Variants in RIOX1 observed in about 807,000 individuals in gnomAD.
RIOX1 encodes the protein 60S ribosomal protein L8 histidine hydroxylase.
Under a neutral mutation model 44.6 loss-of-function variants are expected in RIOX1, and 33 were observed. The observed-to-expected ratio is 0.74, with a 90% CI of 0.56 to 0.99. RIOX1 has a LOEUF of 0.99. Ranked by LOEUF, RIOX1 falls within the 50% of genes least tolerant of loss-of-function variation. The pLI is 0.00. For missense variants in RIOX1, 821 were observed against 871.7 expected, an observed-to-expected ratio of 0.94 and a Z score of 0.73; for synonymous variants, 387 against 395.8, an observed-to-expected ratio of 0.98 and a Z score of 0.26.
At position 73,491,318 on chromosome 14, in the gene RIOX1, G is replaced by A. The variant is rs1334495734; in HGVS notation, c.301G>A (p.Gly101Arg). The A allele has an allele frequency of 2.6e-5, 40 of 1,510,972 alleles. No homozygotes were observed. Among genetic ancestry groups the A allele is most frequent in the Non-Finnish European group, 3.4e-5 (38 of 1,130,902 alleles). 93.6% of individuals were successfully genotyped at this position (1,510,972 alleles called of 1,614,324 possible). Reference protein sequence around the residue: ...AARREPYGHLGPAELLEASPA... With the variant: ...AARREPYGHLRPAELLEASPA... The stretch of plus-strand genomic sequence containing the variant: ...CCGGCGAGAGCCATACGGCCACCTG[G>A]GGCCCGCAGAGCTGCTGGAGGCCTC... Residue 101 changes from glycine to arginine, a missense_variant, in exon 1 of 1, where the codon GGG becomes AGG. This residue lies in a region of RIOX1 where 554 missense variants were observed against 531.2 expected (regional missense o/e 1.04). Transcript: ENST00000304061.
At position 73,492,819 on chromosome 14, in the gene RIOX1, C is replaced by T; in HGVS notation, c.1802C>T (p.Ser601Phe). 4 of 1,613,918 alleles carry T rather than the reference C, an allele frequency of 2.5e-6. No individual in the cohort carries two copies. The highest frequency in any genetic ancestry group is 3.4e-6 in the Non-Finnish European group (4 of 1,179,880). ...GATGCCATGGAACTGTTGCTTGGTT[C>T]TTATCCAGAGTTTGTGAGAGTGGGG... ...QADAMELLLGSYPEFVRVGDL... is the reference protein window; with the variant it reads ...QADAMELLLGFYPEFVRVGDL... The change falls in exon 1 of 1, where the codon TCT becomes TTT. Residue 601 changes from serine to phenylalanine, a missense_variant. Coordinates refer to ENST00000304061, the MANE Select transcript of RIOX1 (RefSeq NM_024644.5). This position sits in a 1 kb window ranked among gnomAD's most constrained non-coding sequence, Gnocchi z 4.9.
rs1414451317 is a variant in RIOX1, at chr14:73,492,224, T to A, written c.1207T>A (p.Phe403Ile). The A allele has an allele frequency of 6.2e-7, 1 of 1,614,008 alleles. No individual in the cohort carries two copies. The highest frequency in any genetic ancestry group is 8.5e-7 in the Non-Finnish European group (1 of 1,179,888). ...AGATTTGCTGTATTTTCCTCGGGGC[T>A]TCATTCACCAAGCTGAATGCCAGGA... is the stretch of plus-strand genomic sequence containing the variant. Reference protein sequence around the residue: ...PGDLLYFPRGFIHQAECQDGV... With the variant: ...PGDLLYFPRGIIHQAECQDGV... Residue 403 changes from phenylalanine to isoleucine, a missense_variant, in exon 1 of 1, where the codon TTC (phenylalanine) becomes ATC (isoleucine). This residue lies in a region of RIOX1 where 267 missense variants were observed against 340.5 expected (regional missense o/e 0.78). Coordinates refer to ENST00000304061, the MANE Select transcript of RIOX1 (RefSeq NM_024644.5). The surrounding 1 kb of genome is among the most constrained non-coding windows in gnomAD (Gnocchi z 4.9).
chr14:73,492,320 A>G lies in RIOX1; in HGVS notation c.1303A>G (p.Ile435Val). The change falls in exon 1 of 1, where the codon ATA becomes GTA. Residue 435 changes from isoleucine to valine, a missense_variant. By Grantham distance (29) the Ile-to-Val change is conservative. Transcript: ENST00000304061. The surrounding 1 kb of genome is among the most constrained non-coding windows in gnomAD (Gnocchi z 4.9). ...TACCTGGGGTGACTTCTTAGAGGCC[A>G]TACTGCCTCTGGCAGTGCAGGCTGC... ...RNTWGDFLEA[I>V]LPLAVQAAME... 3.7e-6 allele frequency: 6 copies of G among 1,614,046 alleles called. No homozygotes were observed. The highest frequency in any genetic ancestry group is 5.1e-6 in the Non-Finnish European group (6 of 1,179,892).
chr14:73,493,127 A>G lies in RIOX1; in HGVS notation c.*184A>G. ...TCTTCTAGGAAGAACCATCTCATCT[A>G]GGTACAAAAGGAAAAGGAGAAGTTG... On this transcript the variant is annotated 3_prime_UTR_variant, in exon 1 of 1. Transcript: ENST00000304061. The G allele has an allele frequency of 6.2e-7, 1 of 1,611,510 alleles. No homozygotes were observed. The highest frequency in any genetic ancestry group is 1.1e-5 in the South Asian group (1 of 90,876).
chr14:73,491,836 G>A lies in RIOX1; in HGVS notation c.819G>A (p.Glu273=). 1.2e-6 allele frequency: 2 copies of A among 1,608,622 alleles called. No individual in the cohort carries two copies. Among genetic ancestry groups the A allele is most frequent in the Non-Finnish European group, 1.7e-6 (2 of 1,177,958 alleles). The part of the protein sequence containing the change: ...DAARYINGRR[E]TLNPPGRALP... ...CTCGCTACATCAACGGACGACGCGAGACCCTGAACCCACCCGGCCGCGCGC... is the reference window on the plus strand; with the variant it reads ...CTCGCTACATCAACGGACGACGCGAAACCCTGAACCCACCCGGCCGCGCGC... Residue 273 remains glutamate (E), a synonymous_variant, in exon 1 of 1, where the codon GAG becomes GAA. Coordinates refer to ENST00000304061, the MANE Select transcript of RIOX1 (RefSeq NM_024644.5).
Position 73,491,417 on chromosome 14 carries a change from G to A in RIOX1, c.400G>A (p.Glu134Lys). 1.5e-6 allele frequency: 2 copies of A among 1,349,198 alleles called. No individual in the cohort carries two copies. Among genetic ancestry groups the A allele is most frequent in the Non-Finnish European group, 1.9e-6 (2 of 1,059,214 alleles). The allele number at this position is 1,349,198 out of a possible 1,614,324, so 83.6% of individuals were successfully genotyped here. A position where few individuals can be genotyped will look rare whatever the true frequency, so the allele number is the denominator to read the frequency against. ...TTCCGCGCCGCCCGCGCGCCTGGTG[G>A]AGGTGCCCGCCGCGCCGGTCCGGGT... Reference protein sequence around the residue: ...PASAPPARLVEVPAAPVRVVE... With the variant: ...PASAPPARLVKVPAAPVRVVE... The change falls in exon 1 of 1, where the codon GAG (glutamate) becomes AAG (lysine). Residue 134 changes from glutamate (E) to lysine (K), a missense_variant. Physicochemically the swap from Glu to Lys is moderately conservative, Grantham distance 56 (BLOSUM62 1). This residue lies in a region of RIOX1 where 554 missense variants were observed against 531.2 expected (regional missense o/e 1.04). Transcript: ENST00000304061.
At position 73,491,947 on chromosome 14, in the gene RIOX1, G is replaced by A. The variant is rs1250974176; in HGVS notation, c.930G>A (p.Gln310=). ...AGGCTTTCTCTACTACTGTGTGGCA[G>A]TTTTTGGCTGTGCTTCAAGAGCAGT... The part of the protein sequence containing the change: ...CPQAFSTTVW[Q]FLAVLQEQFG... The change falls in exon 1 of 1, where the codon CAG becomes CAA. Residue 310 remains glutamine (Q), a synonymous_variant. Coordinates refer to ENST00000304061, the MANE Select transcript of RIOX1 (RefSeq NM_024644.5). 5 of 1,613,774 alleles carry A rather than the reference G, an allele frequency of 3.1e-6. No individual in the cohort carries two copies. The highest frequency in any genetic ancestry group is 4.2e-6 in the Non-Finnish European group (5 of 1,179,864).
In RIOX1 at chr14:73,493,151, T is replaced by G. The variant is rs1175526598; in HGVS notation, c.*208T>G. 3 of 1,601,806 alleles carry G rather than the reference T, an allele frequency of 1.9e-6. No homozygotes were observed. The highest frequency in any genetic ancestry group is 2.2e-5 in the East Asian group (1 of 44,806). On this transcript the variant is annotated 3_prime_UTR_variant, in exon 1 of 1. Transcript: ENST00000304061. ...TAGGTACAAAAGGAAAAGGAGAAGT[T>G]GGAGGTGGAAAAAAAACCCTTGATC...
In RIOX1 at chr14:73,492,628, C is replaced by CGG; in HGVS notation, c.1612_1613insGG (p.Val538GlyfsTer6). The CGG allele has an allele frequency of 6.2e-7, 1 of 1,613,976 alleles. No homozygotes were observed. Among genetic ancestry groups the CGG allele is most frequent in the East Asian group, 2.2e-5 (1 of 44,888 alleles). ...GCTGGGAGGCTGGAGAACCTGTAAA[C>CGG]GTGGGGGCCCAGTTGACAACAGAAA... is the stretch of plus-strand genomic sequence containing the variant. On this transcript the variant is annotated frameshift_variant, in exon 1 of 1. Transcript: ENST00000304061. LOFTEE classifies it high-confidence loss of function. This position sits in a 1 kb window ranked among gnomAD's most constrained non-coding sequence, Gnocchi z 4.9.
Position 73,491,983 on chromosome 14 carries a change from G to A in RIOX1, c.966G>A (p.Met322Ile), listed in dbSNP as rs1173754561. The change falls in exon 1 of 1, where the codon ATG (methionine) becomes ATA (isoleucine). Residue 322 changes from methionine to isoleucine, a missense_variant. Met to Ile is a conservative substitution (Grantham distance 10). Coordinates refer to ENST00000304061, the MANE Select transcript of RIOX1 (RefSeq NM_024644.5). ...TGCTTCAAGAGCAGTTTGGAAGCAT[G>A]GCAGGCTCCAACGTTTACCTCACGC... The part of the protein sequence containing the change: ...LAVLQEQFGS[M>I]AGSNVYLTPP... 1 of 1,613,964 alleles carries A rather than the reference G, an allele frequency of 6.2e-7. No individual in the cohort carries two copies. Among genetic ancestry groups the A allele is most frequent in the Admixed American group, 1.7e-5 (1 of 60,020 alleles).
rs764013339 is a variant in RIOX1 at position 73,491,851 on chromosome 14, C to T, written c.834C>T (p.Pro278=). The T allele has an allele frequency of 1.1e-5, 17 of 1,609,832 alleles. No individual in the cohort carries two copies. The highest frequency in any genetic ancestry group is 6.7e-5 in the African/African-American group (5 of 74,816). ...GACGACGCGAGACCCTGAACCCACC[C>T]GGCCGCGCGCTGCCCGCCGCCGCGT... ...INGRRETLNP[P]GRALPAAAWS... The change falls in exon 1 of 1, where the codon CCC becomes CCT. Residue 278 remains proline (P), a synonymous_variant. Transcript: ENST00000304061.
chr14:73,492,764 A>C lies in RIOX1; in HGVS notation c.1747A>C (p.Lys583Gln). Residue 583 changes from lysine to glutamine, a missense_variant, in exon 1 of 1, where the codon AAG (lysine) becomes CAG (glutamine). This residue lies in a region of RIOX1 where 267 missense variants were observed against 340.5 expected (regional missense o/e 0.78). Transcript: ENST00000304061. This position sits in a 1 kb window ranked among gnomAD's most constrained non-coding sequence, Gnocchi z 4.9. ...NSRVYHLEEP[K>Q]CLEIYPQQAD... is the part of the protein sequence containing the mutation. ...CCGTGTGTATCATCTGGAAGAACCCAAGTGCTTGGAAATATACCCCCAGCA... is the reference window on the plus strand; with the variant it reads ...CCGTGTGTATCATCTGGAAGAACCCCAGTGCTTGGAAATATACCCCCAGCA... 6.2e-7 allele frequency: 1 copy of C among 1,613,938 alleles called. No individual in the cohort carries two copies. Among genetic ancestry groups the C allele is most frequent in the South Asian group, 1.1e-5 (1 of 91,084 alleles).
In RIOX1 at chr14:73,492,290, C is replaced by T. The variant is rs1199065998; in HGVS notation, c.1273C>T (p.Arg425Cys). ...SLHLTLSTYQ[R>C]NTWGDFLEAI... The stretch of plus-strand genomic sequence containing the variant: ...GCACCTCACCTTGTCCACGTACCAG[C>T]GCAATACCTGGGGTGACTTCTTAGA... Residue 425 changes from arginine (R) to cysteine (C), a missense_variant, in exon 1 of 1, where the codon CGC becomes TGC. Around this residue, in one of 2 missense-constraint regions of RIOX1, gnomAD observed 267 missense variants for 340.5 expected, o/e 0.78. Coordinates refer to ENST00000304061, the MANE Select transcript of RIOX1 (RefSeq NM_024644.5). This position sits in a 1 kb window ranked among gnomAD's most constrained non-coding sequence, Gnocchi z 4.9. 6.2e-7 allele frequency: 1 copy of T among 1,614,030 alleles called. No individual in the cohort carries two copies.
chr14:73,491,561 G>T lies in RIOX1; in HGVS notation c.544G>T (p.Asp182Tyr). The change falls in exon 1 of 1, where the codon GAC becomes TAC. Residue 182 changes from aspartate (D) to tyrosine (Y), a missense_variant. Coordinates refer to ENST00000304061, the MANE Select transcript of RIOX1 (RefSeq NM_024644.5). The stretch of plus-strand genomic sequence containing the variant: ...TAACACGGGTGGGGAGCCGGCCTGG[G>T]ACTCCCCGCTGCGGCGCGTCTTGGC... ...VDNTGGEPAW[D>Y]SPLRRVLAEL... The T allele has an allele frequency of 1.3e-6, 2 of 1,540,004 alleles. No individual in the cohort carries two copies. Among genetic ancestry groups the T allele is most frequent in the Non-Finnish European group, 8.7e-7 (1 of 1,144,794 alleles).
At position 73,493,045 on chromosome 14, in the gene RIOX1, C is replaced by A. The variant is rs746306462; in HGVS notation, c.*102C>A. 1.3e-6 allele frequency: 2 copies of A among 1,591,078 alleles called. No individual in the cohort carries two copies. Among genetic ancestry groups the A allele is most frequent in the Non-Finnish European group, 1.7e-6 (2 of 1,168,318 alleles). On this transcript the variant is annotated 3_prime_UTR_variant, in exon 1 of 1. Coordinates refer to ENST00000304061, the MANE Select transcript of RIOX1 (RefSeq NM_024644.5). The stretch of plus-strand genomic sequence containing the variant: ...AAACTCACGTTCTTACCTTGATAAG[C>A]ATCAGTGTGCTCACATTTACCTTTA...
rs371480600 is a variant in RIOX1, at chr14:73,491,994, A to C, written c.977A>C (p.Asn326Thr). The change falls in exon 1 of 1, where the codon AAC (asparagine) becomes ACC (threonine). Residue 326 changes from asparagine (N) to threonine (T), a missense_variant. Coordinates refer to ENST00000304061, the MANE Select transcript of RIOX1 (RefSeq NM_024644.5). Reference protein sequence around the residue: ...QEQFGSMAGSNVYLTPPNSQG... With the variant: ...QEQFGSMAGSTVYLTPPNSQG... Reference sequence around the variant, plus strand: ...CAGTTTGGAAGCATGGCAGGCTCCAACGTTTACCTCACGCCCCCTAACTCG... The same window carrying C: ...CAGTTTGGAAGCATGGCAGGCTCCACCGTTTACCTCACGCCCCCTAACTCG... 10 of 1,613,774 alleles carry C rather than the reference A, an allele frequency of 6.2e-6. No individual in the cohort carries two copies. The highest frequency in any genetic ancestry group is 7.6e-6 in the Non-Finnish European group (9 of 1,179,888).
chr14:73,491,185 G>C lies in RIOX1; in HGVS notation c.168G>C (p.Gln56His), dbSNP rs745802193. 2 of 1,598,896 alleles carry C rather than the reference G, an allele frequency of 1.3e-6. No homozygotes were observed. The highest frequency in any genetic ancestry group is 1.4e-5 in the African/African-American group (1 of 73,822). Residue 56 changes from glutamine (Q) to histidine (H), a missense_variant, in exon 1 of 1, where the codon CAG (glutamine) becomes CAC (histidine). Transcript: ENST00000304061. ...CCCGCATGGCAGCGCTGAGGACGCA[G>C]ACGCTGCCTAGCGAGAACTCGGAGG... ...VVSRMAALRT[Q>H]TLPSENSEES...
At position 73,492,218 on chromosome 14, in the gene RIOX1, C is replaced by T. The variant is rs749992591; in HGVS notation, c.1201C>T (p.Arg401Trp). 6.2e-6 allele frequency: 10 copies of T among 1,613,892 alleles called. No homozygotes were observed. The highest frequency in any genetic ancestry group is 8.5e-6 in the Non-Finnish European group (10 of 1,179,894). The change falls in exon 1 of 1, where the codon CGG becomes TGG. Residue 401 changes from arginine to tryptophan, a missense_variant. Around this residue, in one of 2 missense-constraint regions of RIOX1, gnomAD observed 267 missense variants for 340.5 expected, o/e 0.78. Transcript: ENST00000304061. This position sits in a 1 kb window ranked among gnomAD's most constrained non-coding sequence, Gnocchi z 4.9. ...LEPGDLLYFP[R>W]GFIHQAECQD... Reference sequence around the variant, plus strand: ...ACCTGGAGATTTGCTGTATTTTCCTCGGGGCTTCATTCACCAAGCTGAATG... The same window carrying T: ...ACCTGGAGATTTGCTGTATTTTCCTTGGGGCTTCATTCACCAAGCTGAATG...
In RIOX1 at chr14:73,491,938, T is replaced by A; in HGVS notation, c.921T>A (p.Thr307=). 6.2e-7 allele frequency: 1 copy of A among 1,613,790 alleles called. No homozygotes were observed. The highest frequency in any genetic ancestry group is 1.3e-5 in the African/African-American group (1 of 75,024). Reference sequence around the variant, plus strand: ...TCTGTCCGCAGGCTTTCTCTACTACTGTGTGGCAGTTTTTGGCTGTGCTTC... The same window carrying A: ...TCTGTCCGCAGGCTTTCTCTACTACAGTGTGGCAGTTTTTGGCTGTGCTTC... The part of the protein sequence containing the change: ...RLLCPQAFST[T]VWQFLAVLQE... The change falls in exon 1 of 1, where the codon ACT becomes ACA. Residue 307 remains threonine (T), a synonymous_variant. Transcript: ENST00000304061.
Sources: gnomAD v4.1 joint callset for allele counts on GRCh38, gnomAD v4.1.1 for gene constraint, gnomAD v4.1.1 regional missense constraint, Gnocchi (gnomAD v3.1) non-coding constraint, MANE v1.5 for transcripts, NCBI Gene and HGNC (gene_info 2026-07-23, HGNC 2026-07-21) for gene names.